The following GABRB3 variants were observed in gnomAD, a reference collection of about 807,000 sequenced individuals.
GABRB3 encodes the protein gamma-aminobutyric acid type A receptor subunit beta3, also known as gamma-aminobutyric acid receptor subunit beta-3.
GABRB3 carries 14 observed loss-of-function variants against 52.1 expected under a neutral mutation model. The ratio of observed to expected loss-of-function variants is 0.27; its 90% CI spans 0.18 to 0.42. The LOEUF is 0.42. Among genes scored for constraint, GABRB3 ranks in the 10% least tolerant of loss-of-function variants. GABRB3 has a pLI of 1.00. For missense variants in GABRB3, 307 were observed against 609.1 expected (o/e 0.50, Z 5.22); for synonymous variants, 260 against 232.3 (o/e 1.12, Z -1.08).
intron 3 of GABRB3, among the ~76,000 whole-genome samples, chr15:26,701,926 G>A (rs1311540902): frequency 1.3e-5 from 2 of 152,106 alleles, no homozygotes; most frequent in African/African-American, 2.4e-5. Context: ...GAAATAGACT[G>A]AAACATACCT....
At chr15:26,631,005 G>T (rs1233693062) in intron 3 of GABRB3, among the ~76,000 whole-genome samples, 1 of 152,212 alleles carries the variant, frequency 6.6e-6, no homozygotes, top group African/African-American at 2.4e-5. Context: ...CACGGTTCCT[G>T]GTGAGACACG....
At chr15:26,682,287 C>T (rs916359248) in intron 3 of GABRB3, among the ~76,000 whole-genome samples, 1 of 152,172 alleles carries the variant, frequency 6.6e-6, no homozygotes, top group Non-Finnish European at 1.5e-5. Context: ...ACCTTCCTCC[C>T]TCTCCCACTC....
intron 3 of GABRB3, among the ~76,000 whole-genome samples, chr15:26,764,428 C>T (rs1890940917): frequency 6.6e-6 from 1 of 151,782 alleles, no homozygotes; most frequent in South Asian, 2.1e-4. Flanking sequence ...AATGTTAGTA[C>T]CGCACATGCC....
chr15:26,628,112 G>A (rs921088562), intron 3 of GABRB3, among the ~76,000 whole-genome samples: 1 of 152,182 alleles, frequency 6.6e-6, no homozygotes, highest in Admixed American at 6.5e-5. Context: ...TTCAATTAAG[G>A]TATGTATATT....
intron 8 of GABRB3, among the ~76,000 whole-genome samples, chr15:26,548,701 G>A (rs1889351769): frequency 6.6e-6 from 1 of 152,162 alleles, no homozygotes. Flanking sequence ...TCTGGCAGGA[G>A]ACTTCTTTTT....
chr15:26,618,071 A>G (rs938956236), intron 4 of GABRB3, among the ~76,000 whole-genome samples: 1 of 152,132 alleles, frequency 6.6e-6, no homozygotes, highest in African/African-American at 2.4e-5. Context: ...AATCAGTATC[A>G]TGAAAATGGC....
chr15:26,653,243 G>C (rs188896266), intron 3 of GABRB3, among the ~76,000 whole-genome samples: 33 of 152,324 alleles, frequency 2.2e-4, no homozygotes, highest in African/African-American at 7.7e-4. Context: ...TTAGGGTTTA[G>C]GAGTCATGCA....
intron 4 of GABRB3, among the ~76,000 whole-genome samples, chr15:26,600,831 T>C (rs1397012124): frequency 6.6e-6 from 1 of 152,186 alleles, no homozygotes. Context: ...AAATTCAGAA[T>C]ACTCTAGGTT....
intron 3 of GABRB3, among the ~76,000 whole-genome samples, chr15:26,678,474 A>T (rs1001689431): frequency 1.3e-5 from 2 of 152,070 alleles, no homozygotes; most frequent in Non-Finnish European, 2.9e-5. Context: ...TTCTCTGTGA[A>T]CCTTACTGCA....
intron 7 of GABRB3, among the ~76,000 whole-genome samples, chr15:26,562,778 C>T (rs1890037222): frequency 6.6e-6 from 1 of 152,180 alleles, no homozygotes; most frequent in Non-Finnish European, 1.5e-5. Context: ...AACACAAGCG[C>T]TCCCTCCACT....
chr15:26,731,080 C>G (rs902310144), intron 3 of GABRB3, among the ~76,000 whole-genome samples: 8 of 152,112 alleles, frequency 5.3e-5, no homozygotes, highest in Non-Finnish European at 4.4e-5. Flanking sequence ...CTCTCTCTCT[C>G]TCTCTCTATT....
intron 3 of GABRB3, among the ~76,000 whole-genome samples, chr15:26,649,128 C>A (rs8043511): frequency 0.41 from 62,169 of 152,040 alleles, 14,394 homozygotes; most frequent in Middle Eastern, 0.54. Context: ...AGCATTGCTA[C>A]GATATGCGTG....
At chr15:26,686,620 T>C (rs1405739896) in intron 3 of GABRB3, among the ~76,000 whole-genome samples, 1 of 152,212 alleles carries the variant, frequency 6.6e-6, no homozygotes, top group Non-Finnish European at 1.5e-5. Flanking sequence ...CATGGAAATA[T>C]ACCCCAGATC....
chr15:26,622,273 T>C (rs1277222108), intron 3 of GABRB3, among the ~76,000 whole-genome samples: 1 of 152,168 alleles, frequency 6.6e-6, no homozygotes, highest in Non-Finnish European at 1.5e-5. Flanking sequence ...ACGTGATGGT[T>C]CTGCTTTCGT....
At chr15:26,745,179 A>G (rs1890305682) in intron 3 of GABRB3, among the ~76,000 whole-genome samples, 1 of 152,218 alleles carries the variant, frequency 6.6e-6, no homozygotes, top group Non-Finnish European at 1.5e-5. Flanking sequence ...ATTCGTCCCC[A>G]TGACCCAAAC....
chr15:26,666,434 G>A (rs571632661), intron 3 of GABRB3: 1 of 152,200 alleles, frequency 6.6e-6, no homozygotes, highest in Non-Finnish European at 1.5e-5. Flanking sequence ...CACTCAGCGT[G>A]GTGAAGTAAG....
chr15:26,772,288 A>G lies in GABRB3; in HGVS notation c.240+114T>C, dbSNP rs562574616. ...CCTGGGAGCGCGGCTCCCTCTGCGG[A>G]CCGGGGAAACTCGGCCCCGGCCGAA... On this transcript the variant is annotated intron_variant, in intron 3 of 8. Transcript: ENST00000311550. 554 of 911,028 alleles carry G rather than the reference A, an allele frequency of 6.1e-4. 9 individuals are homozygous for G. In the East Asian group the frequency reaches 0.016, roughly 26 times the overall value. 56.4% of individuals were successfully genotyped at this position (911,028 alleles called of 1,614,324 possible).
chr15:26,708,152 T>C (rs2140126479), intron 3 of GABRB3, among the ~76,000 whole-genome samples: 1 of 152,328 alleles, frequency 6.6e-6, no homozygotes, highest in South Asian at 2.1e-4. Flanking sequence ...CTAGTTTTCC[T>C]AGAGATGTTC....
At chr15:26,624,522 G>C in intron 3 of GABRB3, 1 of 985,458 alleles carries the variant, frequency 1.0e-6, no homozygotes, top group Non-Finnish European at 1.2e-6. Flanking sequence ...TGACAGCTCG[G>C]GCTCCGCGTC....
Sources: gnomAD v4.1 joint callset for allele counts (sites outside exome capture counted in the v4.1 genomes callset) on GRCh38, gnomAD v4.1.1 for gene constraint, MANE v1.5 for transcripts, NCBI Gene and HGNC (gene_info 2026-07-23, HGNC 2026-07-21) for gene names.